The following MMP16 variants were observed in gnomAD, a reference collection of about 807,000 sequenced individuals.
The protein encoded by MMP16 is matrix metallopeptidase 16, also known as matrix metalloproteinase-16.
MMP16 carries 12 observed loss-of-function variants against 67.8 expected under a neutral mutation model. The ratio of observed to expected loss-of-function variants is 0.18; its 90% CI spans 0.11 to 0.29. The LOEUF (loss-of-function observed/expected upper bound fraction) is 0.29, where lower values mean the gene tolerates loss of function less well. MMP16 is among the 10% of genes least tolerant of loss of function. The pLI is 1.00. For synonymous variants in MMP16, 249 were observed against 255.9 expected, an observed-to-expected ratio of 0.97 and a Z score of 0.26; for missense variants, 475 against 765.7, an observed-to-expected ratio of 0.62 and a Z score of 4.48.
chr8:88,282,874 T>G (rs1211761507), intron 1 of MMP16, among the ~76,000 whole-genome samples: 1 of 152,214 alleles, frequency 6.6e-6, no homozygotes, highest in Non-Finnish European at 1.5e-5. Flanking sequence ...TGTGTTTCAC[T>G]TGGTTCCACA....
At chr8:88,246,298 T>C (rs181359008) in intron 1 of MMP16, among the ~76,000 whole-genome samples, 19 of 152,318 alleles carry the variant, frequency 1.2e-4, no homozygotes, top group Admixed American at 5.9e-4. Flanking sequence ...GTTCATTATA[T>C]ATAGAAAATT....
chr8:88,299,631 T>G (rs1222018577), intron 1 of MMP16, among the ~76,000 whole-genome samples: 1 of 152,218 alleles, frequency 6.6e-6, no homozygotes, highest in Non-Finnish European at 1.5e-5. Flanking sequence ...CTTCATCTAA[T>G]AAGTCAATTT....
intron 1 of MMP16, among the ~76,000 whole-genome samples, chr8:88,219,282 T>C (rs1809641121): frequency 6.6e-6 from 1 of 151,966 alleles, no homozygotes; most frequent in Non-Finnish European, 1.5e-5. Flanking sequence ...AATCTCATGA[T>C]GTGATACTGA....
At chr8:88,166,406 A>G (rs1407624193) in intron 4 of MMP16, among the ~76,000 whole-genome samples, 1 of 151,936 alleles carries the variant, frequency 6.6e-6, no homozygotes, top group Non-Finnish European at 1.5e-5. Context: ...ACAGAATTGA[A>G]TTATGCATTG....
intron 1 of MMP16, among the ~76,000 whole-genome samples, chr8:88,213,804 A>G (rs1205309777): frequency 6.6e-6 from 1 of 152,156 alleles, no homozygotes; most frequent in Non-Finnish European, 1.5e-5. Context: ...GTAAAAATTA[A>G]CCATAAATAT....
At chr8:88,188,592 A>C (rs1809116398) in intron 2 of MMP16, among the ~76,000 whole-genome samples, 1 of 152,132 alleles carries the variant, frequency 6.6e-6, no homozygotes, top group Non-Finnish European at 1.5e-5. Context: ...CAGTAATGTC[A>C]TGCTTTTGTT....
intron 1 of MMP16, among the ~76,000 whole-genome samples, chr8:88,322,244 T>C (rs1268362948): frequency 1.3e-5 from 2 of 152,134 alleles, no homozygotes; most frequent in Non-Finnish European, 2.9e-5. Context: ...GCGAACGTGA[T>C]GTTGTAAAAG....
intron 1 of MMP16, among the ~76,000 whole-genome samples, chr8:88,263,023 C>CAAAT (rs35062853): frequency 0.12 from 17,351 of 146,470 alleles, 1,160 homozygotes; most frequent in Non-Finnish European, 0.14. Context: ...GACTCCGTCT[C>CAAAT]AAATAAATAA....
chr8:88,215,721 T>C (rs1018603113), intron 1 of MMP16, among the ~76,000 whole-genome samples: 6 of 152,158 alleles, frequency 3.9e-5, no homozygotes, highest in South Asian at 2.1e-4. Flanking sequence ...TTAATCTCAG[T>C]AGAGTTCACC....
chr8:88,194,111 A>G (rs1809213616), intron 2 of MMP16, among the ~76,000 whole-genome samples: 1 of 152,036 alleles, frequency 6.6e-6, no homozygotes, highest in Admixed American at 6.6e-5. Flanking sequence ...ACCTTAATTT[A>G]TTGTTTGAAA....
intron 7 of MMP16, among the ~76,000 whole-genome samples, chr8:88,063,056 G>C (rs1207355717): frequency 6.6e-6 from 1 of 152,090 alleles, no homozygotes; most frequent in Non-Finnish European, 1.5e-5. Flanking sequence ...AGTTCTTACT[G>C]ACATTGTACT....
chr8:88,126,149 A>G (rs1454259682), intron 4 of MMP16, among the ~76,000 whole-genome samples: 5 of 151,994 alleles, frequency 3.3e-5, no homozygotes. Context: ...AAGGAAATAT[A>G]TGCAGAATTA....
At chr8:88,303,724 C>T (rs1389070844) in intron 1 of MMP16, among the ~76,000 whole-genome samples, 1 of 152,190 alleles carries the variant, frequency 6.6e-6, no homozygotes, top group Non-Finnish European at 1.5e-5. Flanking sequence ...AGCAGCGCTA[C>T]AGAAAAGTAG....
chr8:88,136,274 G>A (rs1808117223), intron 4 of MMP16, among the ~76,000 whole-genome samples: 1 of 151,848 alleles, frequency 6.6e-6, no homozygotes, highest in Non-Finnish European at 1.5e-5. Context: ...TAGGAGGAGT[G>A]AAATAGACAC....
intron 6 of MMP16, among the ~76,000 whole-genome samples, chr8:88,075,979 TCTA>T (rs1444361825): frequency 4.7e-4 from 26 of 55,776 alleles, no homozygotes; most frequent in Non-Finnish European, 3.8e-5. Flanking sequence ...ACACACAAAA[TCTA>T]CTGAGGATTC....
chr8:88,267,566 G>A (rs547439350), intron 1 of MMP16, among the ~76,000 whole-genome samples: 6 of 152,286 alleles, frequency 3.9e-5, no homozygotes, highest in Non-Finnish European at 8.8e-5. Context: ...CACATAGTGG[G>A]CACCTACTAA....
intron 2 of MMP16, among the ~76,000 whole-genome samples, chr8:88,188,359 C>T (rs193234806): frequency 9.9e-5 from 15 of 151,988 alleles, no homozygotes; most frequent in Non-Finnish European, 1.6e-4. Flanking sequence ...ACAAACAATA[C>T]GTAATTATGA....
intron 5 of MMP16, among the ~76,000 whole-genome samples, chr8:88,117,787 T>C (rs540309785): frequency 6.6e-6 from 1 of 152,088 alleles, no homozygotes; most frequent in Non-Finnish European, 1.5e-5. Context: ...ATTAGTGAAC[T>C]TAAACTATGC....
At chr8:88,310,295 T>C (rs1033023824) in intron 1 of MMP16, among the ~76,000 whole-genome samples, 1 of 152,094 alleles carries the variant, frequency 6.6e-6, no homozygotes, top group Non-Finnish European at 1.5e-5. Flanking sequence ...AATACTGTCA[T>C]ATGATGGAGA....
Sources: gnomAD v4.1 joint callset for allele counts (sites outside exome capture counted in the v4.1 genomes callset) on GRCh38, gnomAD v4.1.1 for gene constraint, MANE v1.5 for transcripts, NCBI Gene and HGNC (gene_info 2026-07-23, HGNC 2026-07-21) for gene names.